The following GPHN variants were observed in gnomAD, a reference collection of about 807,000 sequenced individuals.
The protein encoded by GPHN is gephyrin.
Under a neutral mutation model 95.5 loss-of-function variants are expected in GPHN, and 17 were observed. The observed-to-expected ratio is 0.18, with a 90% CI of 0.12 to 0.27. The LOEUF (loss-of-function observed/expected upper bound fraction) is 0.27, where lower values mean the gene tolerates loss of function less well. Ranked by LOEUF, GPHN falls within the 10% of genes least tolerant of loss-of-function variation. The pLI, the probability that GPHN is intolerant of heterozygous loss-of-function variation, is 1.00. For missense variants in GPHN, 660 were observed against 978.1 expected (o/e 0.67, Z 4.34); for synonymous variants, 320 against 322.5 (o/e 0.99, Z 0.08).
chr14:66,849,803 A>C (rs570372461), intron 4 of GPHN, among the ~76,000 whole-genome samples: 1 of 152,228 alleles, frequency 6.6e-6, no homozygotes, highest in South Asian at 2.1e-4. Context: ...ATTGGTTGTC[A>C]AGAAATAATT....
chr14:67,051,409 G>GA (rs1342451328), intron 10 of GPHN, among the ~76,000 whole-genome samples: 2 of 152,118 alleles, frequency 1.3e-5, no homozygotes, highest in African/African-American at 4.8e-5. Flanking sequence ...CAAGATTAGA[G>GA]AAAAAAGAAT....
intron 18 of GPHN, among the ~76,000 whole-genome samples, chr14:67,143,650 G>A (rs2080636976): frequency 6.6e-6 from 1 of 152,126 alleles, no homozygotes; most frequent in Non-Finnish European, 1.5e-5. Context: ...GAGCAACCTG[G>A]AGAATCCCAC....
rs1333393929 is a variant in GPHN at position 66,587,878 on chromosome 14, C to T, written c.64+79287C>T. Among the ~76,000 whole-genome samples the T allele has an allele frequency of 5.9e-5, 9 of 152,296 alleles. No individual in the cohort carries two copies. The South Asian group carries it at 6.2e-4, about 11-fold the overall frequency. On this transcript the variant is annotated intron_variant, in intron 1 of 22. Coordinates refer to ENST00000478722, the MANE Select transcript of GPHN (RefSeq NM_020806.5). Reference sequence around the variant, plus strand: ...GCAGCAGATCCCCCAGCACAGCATTCGAGCTCTGCTAAGGGATGGACTGCC... The same window carrying T: ...GCAGCAGATCCCCCAGCACAGCATTTGAGCTCTGCTAAGGGATGGACTGCC...
chr14:67,008,007 T>C (rs115524290), intron 9 of GPHN, among the ~76,000 whole-genome samples: 3 of 152,206 alleles, frequency 2.0e-5, no homozygotes, highest in African/African-American at 7.2e-5. Flanking sequence ...TAAGCAGCAG[T>C]TTATAGAACA....
chr14:67,569,205 C>A, the GPHN span: 1 of 1,610,700 alleles, frequency 6.2e-7, no homozygotes, highest in Middle Eastern at 1.7e-4. Context: ...AGAAGTAATA[C>A]TGCATGCTGC....
At chr14:67,175,480 G>A (rs2082881737) in intron 21 of GPHN, among the ~76,000 whole-genome samples, 1 of 152,110 alleles carries the variant, frequency 6.6e-6, no homozygotes, top group South Asian at 2.1e-4. Context: ...GGTTACTATA[G>A]CATTGTAGTA....
At chr14:67,379,648 C>CTTTTACTTT in the GPHN span, among the ~76,000 whole-genome samples, 2 of 135,324 alleles carry the variant, frequency 1.5e-5, no homozygotes, top group African/African-American at 6.1e-5. Context: ...TTCTTTTTTT[C>CTTTTACTTT]TTTTTCTTTT....
intron 1 of GPHN, among the ~76,000 whole-genome samples, chr14:66,571,388 G>T (rs2060684854): frequency 6.6e-6 from 1 of 152,104 alleles, no homozygotes; most frequent in African/African-American, 2.4e-5. Flanking sequence ...GGGACACAGA[G>T]CCAAACCATT....
intron 3 of GPHN, among the ~76,000 whole-genome samples, chr14:66,780,502 T>G (rs1223611745): frequency 1.3e-5 from 2 of 152,076 alleles, no homozygotes; most frequent in Admixed American, 6.5e-5. Flanking sequence ...AAATAGTGAT[T>G]TTTTTCCTAA....
chr14:67,299,658 A>G, the GPHN span, among the ~76,000 whole-genome samples: 1 of 152,232 alleles, frequency 6.6e-6, no homozygotes, highest in Non-Finnish European at 1.5e-5. Flanking sequence ...CCGTTGTAGA[A>G]GTAGCTGATG....
At chr14:67,374,626 A>G in the GPHN span, 1 of 927,670 alleles carries the variant, frequency 1.1e-6, no homozygotes, top group African/African-American at 1.6e-5. Context: ...TCATACTGCT[A>G]CTACCTTAAA....
At chr14:66,767,732 A>G (rs1180014004) in intron 2 of GPHN, among the ~76,000 whole-genome samples, 2 of 151,992 alleles carry the variant, frequency 1.3e-5, no homozygotes, top group African/African-American at 4.8e-5. Flanking sequence ...AGAGTTGTCA[A>G]GTATCAGTCA....
At chr14:66,706,447 A>G (rs2069088432) in intron 2 of GPHN, among the ~76,000 whole-genome samples, 1 of 152,222 alleles carries the variant, frequency 6.6e-6, no homozygotes, top group East Asian at 1.9e-4. Flanking sequence ...ACAGCATGGT[A>G]GTGGTACCAA....
At chr14:67,212,793 T>C in the GPHN span, among the ~76,000 whole-genome samples, 1 of 151,560 alleles carries the variant, frequency 6.6e-6, no homozygotes, top group African/African-American at 2.4e-5. Flanking sequence ...CAAAGGAAAA[T>C]GGGTGATCCT....
At chr14:67,487,584 C>T in the GPHN span, among the ~76,000 whole-genome samples, 5 of 152,154 alleles carry the variant, frequency 3.3e-5, no homozygotes, top group African/African-American at 1.2e-4. Context: ...GTAGGACATT[C>T]GTTTCAGCAC....
intron 1 of GPHN, among the ~76,000 whole-genome samples, chr14:66,532,675 G>A (rs139097816): frequency 2.0e-5 from 3 of 152,236 alleles, no homozygotes; most frequent in Admixed American, 2.0e-4. Context: ...GAATATTGGG[G>A]TGTCTGCCTC....
intron 2 of GPHN, among the ~76,000 whole-genome samples, chr14:66,765,052 T>C (rs2153455012): frequency 6.6e-6 from 1 of 152,342 alleles, no homozygotes; most frequent in South Asian, 2.1e-4. Context: ...AGAACCACTG[T>C]TAATCTTTTA....
At position 66,629,563 on chromosome 14, in the gene GPHN, G is replaced by T. The variant is rs972089986; in HGVS notation, c.65-51544G>T. 5.7e-4 allele frequency among the ~76,000 whole-genome samples: 86 copies of T among 152,028 alleles called. 1 individual carries two copies. Among genetic ancestry groups the T allele is most frequent in the African/African-American group, 2.0e-3 (84 of 41,406 alleles). ...AAATAATGATGTAAAGCATAGTATAGTAAATGCAAAAACCAGTAACATAAT... is the reference window on the plus strand; with the variant it reads ...AAATAATGATGTAAAGCATAGTATATTAAATGCAAAAACCAGTAACATAAT... On this transcript the variant is annotated intron_variant, in intron 1 of 22. Coordinates refer to ENST00000478722, the MANE Select transcript of GPHN (RefSeq NM_020806.5).
intron 3 of GPHN, among the ~76,000 whole-genome samples, chr14:66,781,199 T>C (rs932540897): frequency 1.3e-5 from 2 of 151,914 alleles, no homozygotes; most frequent in South Asian, 2.1e-4. Context: ...TCACCCTAGA[T>C]GTAACCACTA....
Sources: gnomAD v4.1 joint callset for allele counts (sites outside exome capture counted in the v4.1 genomes callset) on GRCh38, gnomAD v4.1.1 for gene constraint, MANE v1.5 for transcripts, NCBI Gene and HGNC (gene_info 2026-07-23, HGNC 2026-07-21) for gene names.